Variants in PREX2 observed in about 807,000 individuals in gnomAD.
PREX2 encodes phosphatidylinositol 3,4,5-trisphosphate-dependent Rac exchanger 2 protein.
Under a neutral mutation model 203.2 loss-of-function variants are expected in PREX2, and 107 were observed. The ratio of observed to expected loss-of-function variants is 0.53; its 90% CI spans 0.45 to 0.62. PREX2 has a LOEUF of 0.62. Among genes scored for constraint, PREX2 ranks in the 20% least tolerant of loss-of-function variants. The pLI is 0.00. For synonymous variants in PREX2, 672 were observed against 663.6 expected, an observed-to-expected ratio of 1.01 and a Z score of -0.19; for missense variants, 1,777 against 1,955.9, an observed-to-expected ratio of 0.91 and a Z score of 1.72.
At chr8:68,170,684 G>A (rs367719507) in intron 35 of PREX2, among the ~76,000 whole-genome samples, 155 of 152,260 alleles carry the variant, frequency 1.0e-3, no homozygotes, top group Middle Eastern at 3.4e-3. Flanking sequence ...GAATTCTGAC[G>A]AAGAAATTCA....
chr8:68,100,402 G>T (rs1464044663), intron 23 of PREX2, among the ~76,000 whole-genome samples: 1 of 152,182 alleles, frequency 6.6e-6, no homozygotes, highest in Non-Finnish European at 1.5e-5. Context: ...CAGCAAGTAA[G>T]TAAATAAATC....
At chr8:68,127,459 A>G (rs768908004) in intron 31 of PREX2, 40 bp downstream of exon 31, 1 of 1,459,918 alleles carries the variant, frequency 6.8e-7, no homozygotes, top group Non-Finnish European at 9.6e-7. Context: ...TATTTAAGTG[A>G]TTGTGGCCCA....
In PREX2 at chr8:68,044,577, G is replaced by A. The variant is rs766767379; in HGVS notation, c.930G>A (p.Val310=). The A allele has an allele frequency of 6.2e-7, 1 of 1,611,518 alleles. No individual in the cohort carries two copies. Among genetic ancestry groups the A allele is most frequent in the South Asian group, 1.1e-5 (1 of 90,904 alleles). Residue 310 remains valine, a synonymous_variant, in exon 8 of 40, where the codon GTG becomes GTA. Transcript: ENST00000288368. ...INTEVMEVEN[V]DDGTADFHSS... ...CGGAGGTGATGGAAGTGGAGAATGT[G>A]GATGATGGCACCGGTAAGTGATTTG...
chr8:68,089,647 C>A (rs1481963224), intron 19 of PREX2, among the ~76,000 whole-genome samples: 3 of 152,100 alleles, frequency 2.0e-5, no homozygotes, highest in African/African-American at 7.2e-5. Flanking sequence ...ATGCAGAAAG[C>A]CACTTAACAT....
chr8:68,102,069 A>G (rs1213683053), intron 23 of PREX2, among the ~76,000 whole-genome samples: 1 of 152,208 alleles, frequency 6.6e-6, no homozygotes, highest in Non-Finnish European at 1.5e-5. Flanking sequence ...TAAGGCGCAG[A>G]TGGGCAGGCT....
intron 14 of PREX2, among the ~76,000 whole-genome samples, chr8:68,076,924 T>TA (rs1272500287): frequency 6.6e-6 from 1 of 152,168 alleles, no homozygotes; most frequent in Non-Finnish European, 1.5e-5. Flanking sequence ...GTCTTACAAG[T>TA]CATCGTAGAT....
At position 67,960,642 on chromosome 8, in the gene PREX2, A is replaced by T. The variant is rs147395795; in HGVS notation, c.141+8107A>T. Among the ~76,000 whole-genome samples the T allele has an allele frequency of 1.1e-3, 172 of 152,236 alleles. 2 individuals are homozygous for T. The highest frequency in any genetic ancestry group is 3.3e-3 in the African/African-American group (137 of 41,558). On this transcript the variant is annotated intron_variant, in intron 1 of 39. Coordinates refer to ENST00000288368, the MANE Select transcript of PREX2 (RefSeq NM_024870.4). Reference sequence around the variant, plus strand: ...GTAAGGACAAGGGCCACTTTAGGGGAGAGGCAAGTATGGAGGTTGCTTGCT... The same window carrying T: ...GTAAGGACAAGGGCCACTTTAGGGGTGAGGCAAGTATGGAGGTTGCTTGCT...
At position 68,032,157 on chromosome 8, in the gene PREX2, C is replaced by T. The variant is rs761303177; in HGVS notation, c.705+1499C>T. 4.6e-5 allele frequency among the ~76,000 whole-genome samples: 7 copies of T among 152,084 alleles called. No homozygotes were observed. In the East Asian group the frequency reaches 9.7e-4, roughly 21 times the overall value. ...GAGGGTGCCTGACTTCACCAGCTTT[C>T]GTGGTTTTACAAAATTCTGAGTGCA... is the stretch of plus-strand genomic sequence containing the variant. On this transcript the variant is annotated intron_variant, in intron 6 of 39. Transcript: ENST00000288368.
At chr8:68,103,004 A>G (rs1446994785) in intron 23 of PREX2, 2 of 506,368 alleles carry the variant, frequency 3.9e-6, no homozygotes, top group African/African-American at 1.9e-5. Context: ...TTTGTTTTAC[A>G]TTTGTTCTTC....
chr8:68,060,293 C>G (rs759064596), intron 10 of PREX2, among the ~76,000 whole-genome samples: 9 of 152,196 alleles, frequency 5.9e-5, no homozygotes, highest in Non-Finnish European at 1.3e-4. Flanking sequence ...TATTACTACT[C>G]TATTCAGTTC....
intron 34 of PREX2, among the ~76,000 whole-genome samples, chr8:68,146,936 C>G (rs898163937): frequency 6.6e-6 from 1 of 152,080 alleles, no homozygotes; most frequent in Admixed American, 6.5e-5. Flanking sequence ...TTAGCATGAG[C>G]AAGAAAATTC....
chr8:68,050,873 G>C (rs1030560955), intron 8 of PREX2, among the ~76,000 whole-genome samples: 1 of 152,158 alleles, frequency 6.6e-6, no homozygotes, highest in African/African-American at 2.4e-5. Context: ...AGTATTCACA[G>C]GACAGCCAGG....
At chr8:68,014,630 A>C (rs1585706204) in intron 1 of PREX2, among the ~76,000 whole-genome samples, 1 of 152,310 alleles carries the variant, frequency 6.6e-6, no homozygotes, top group South Asian at 2.1e-4. Flanking sequence ...AGCATCCCCA[A>C]GTGGTTGGGT....
At chr8:68,202,115 G>T (rs13276317) in intron 37 of PREX2, among the ~76,000 whole-genome samples, 3,074 of 151,894 alleles carry the variant, frequency 0.02, 48 homozygotes, top group Middle Eastern at 0.041. Flanking sequence ...GTGGCCAGAC[G>T]GGTCTTGAAC....
At chr8:68,019,732 T>G in intron 3 of PREX2, 61 bp downstream of exon 3, 6 of 1,496,820 alleles carry the variant, frequency 4.0e-6, no homozygotes, top group Non-Finnish European at 5.5e-6. Flanking sequence ...GATTTAGCTC[T>G]TGGCATAGTG....
intron 25 of PREX2, among the ~76,000 whole-genome samples, chr8:68,110,025 A>G (rs1201425743): frequency 6.6e-6 from 1 of 152,236 alleles, no homozygotes; most frequent in African/African-American, 2.4e-5. Flanking sequence ...ATAAAGTATA[A>G]TAAATGCTTA....
intron 1 of PREX2, among the ~76,000 whole-genome samples, chr8:67,992,683 G>A (rs768053452): frequency 1.3e-5 from 2 of 152,204 alleles, no homozygotes; most frequent in African/African-American, 2.4e-5. Flanking sequence ...CACTATGACT[G>A]TAGGATCTGA....
At chr8:68,177,655 G>T (rs1391852218) in intron 35 of PREX2, among the ~76,000 whole-genome samples, 1 of 152,010 alleles carries the variant, frequency 6.6e-6, no homozygotes, top group African/African-American at 2.4e-5. Context: ...TAAATTCTGG[G>T]ATACATGTGC....
chr8:68,149,638 C>T (rs1342826739), intron 34 of PREX2, among the ~76,000 whole-genome samples: 1 of 152,180 alleles, frequency 6.6e-6, no homozygotes, highest in Non-Finnish European at 1.5e-5. Flanking sequence ...ACACGCTCCC[C>T]ACTGACTAAA....
Sources: gnomAD v4.1 joint callset for allele counts (sites outside exome capture counted in the v4.1 genomes callset) on GRCh38, gnomAD v4.1.1 for gene constraint, MANE v1.5 for transcripts, NCBI Gene and HGNC (gene_info 2026-07-23, HGNC 2026-07-21) for gene names.